The following ZNF184 variants were observed in gnomAD, a reference collection of about 807,000 sequenced individuals.
The protein encoded by ZNF184 is zinc finger protein 184 (Kruppel-like).
A neutral mutation model predicts 54.4 loss-of-function variants in ZNF184; 16 were observed. The observed-to-expected ratio is 0.29, with a 90% CI of 0.20 to 0.45. ZNF184 has a LOEUF of 0.45. Among genes scored for constraint, ZNF184 ranks in the 20% least tolerant of loss-of-function variants. The pLI is 1.00. For missense variants in ZNF184, 681 were observed against 888.2 expected (o/e 0.77, Z 2.97); for synonymous variants, 254 against 295.3 (o/e 0.86, Z 1.43).
At chr6:27,442,812 GAGAAAGAAAGAAAGAAAGAA>G in the ZNF184 span, among the ~76,000 whole-genome samples, 2,687 of 52,512 alleles carry the variant, frequency 0.051, 171 homozygotes, top group African/African-American at 0.12. Context: ...GAGAAAGAAA[GAGAAAGAAAGAAAGAAAGAA>G]AGAAAGAAAG....
the ZNF184 span, among the ~76,000 whole-genome samples, chr6:27,421,497 C>T: frequency 6.6e-6 from 1 of 152,298 alleles, no homozygotes; most frequent in South Asian, 2.1e-4. Flanking sequence ...ATAACCATTA[C>T]ATACCTCCCA....
chr6:27,414,283 A>G, the ZNF184 span, among the ~76,000 whole-genome samples: 1 of 152,110 alleles, frequency 6.6e-6, no homozygotes, highest in Non-Finnish European at 1.5e-5. Flanking sequence ...CCCATCGCTC[A>G]TACAGCCTAT....
At chr6:27,438,166 C>T in the ZNF184 span, among the ~76,000 whole-genome samples, 2 of 152,120 alleles carry the variant, frequency 1.3e-5, no homozygotes, top group Non-Finnish European at 2.9e-5. Context: ...AGTAAAATGG[C>T]TTGCTGTTTC....
chr6:27,406,352 G>A, the ZNF184 span: 10 of 152,334 alleles, frequency 6.6e-5, no homozygotes, highest in East Asian at 7.7e-4. Context: ...CATAAGTGGA[G>A]AGCCAAGCAG....
chr6:27,451,215 T>G lies in ZNF184; in HGVS notation c.*88A>C. 1 of 1,451,940 alleles carries G rather than the reference T, an allele frequency of 6.9e-7. No homozygotes were observed. The highest frequency in any genetic ancestry group is 9.2e-7 in the Non-Finnish European group (1 of 1,086,200). The allele number at this position is 1,451,940 out of a possible 1,614,324, so 89.9% of individuals were successfully genotyped here. A position where few individuals can be genotyped will look rare whatever the true frequency, so the allele number is the denominator to read the frequency against. On this transcript the variant is annotated 3_prime_UTR_variant, in exon 6 of 6. Coordinates refer to ENST00000683788, the MANE Select transcript of ZNF184 (RefSeq NM_001318891.2). ...AAAATTTAAAAGATTTCAAGGCAGTTTCTAAATCCACTCTGATTCTTCAGT... is the reference window on the plus strand; with the variant it reads ...AAAATTTAAAAGATTTCAAGGCAGTGTCTAAATCCACTCTGATTCTTCAGT...
intron 3 of ZNF184, among the ~76,000 whole-genome samples, chr6:27,465,484 C>CAAAAAA (rs60538455): frequency 8.0e-4 from 28 of 35,132 alleles, no homozygotes; most frequent in Admixed American, 1.0e-3. Context: ...GACTCCATCT[C>CAAAAAA]AAAAAAAAAA....
At chr6:27,405,203 A>G in the ZNF184 span, 2 of 152,242 alleles carry the variant, frequency 1.3e-5, no homozygotes, top group Non-Finnish European at 2.9e-5. Context: ...AGTTAACTGT[A>G]AAACAGCCTC....
the ZNF184 span, among the ~76,000 whole-genome samples, chr6:27,422,148 A>AAAAAAAGAAAAAGAAAGAAAG: frequency 2.3e-4 from 10 of 43,472 alleles, 1 homozygote; most frequent in African/African-American, 8.4e-4. Context: ...CTCAAAAAAA[A>AAAAAAAGAAAAAGAAAGAAAG]AAAGAAAGAA....
chr6:27,470,462 A>C (rs1228082469), intron 2 of ZNF184, among the ~76,000 whole-genome samples: 2 of 152,208 alleles, frequency 1.3e-5, no homozygotes, highest in Non-Finnish European at 2.9e-5. Context: ...CATGCCTCAG[A>C]AAGTAGAGGA....
At chr6:27,454,367 C>T (rs999075522) in intron 5 of ZNF184, among the ~76,000 whole-genome samples, 1 of 152,228 alleles carries the variant, frequency 6.6e-6, no homozygotes, top group Admixed American at 6.5e-5. Context: ...CAGCACAGCA[C>T]GTATTAGTGT....
the ZNF184 span, among the ~76,000 whole-genome samples, chr6:27,419,186 C>T: frequency 6.6e-6 from 1 of 152,182 alleles, no homozygotes; most frequent in African/African-American, 2.4e-5. The surrounding 1 kb of genome is among the most constrained non-coding windows in gnomAD (Gnocchi z 4.8). Flanking sequence ...TCACTGCAAC[C>T]TCTGCCTCCC....
rs1271597205 is a variant in ZNF184 at position 27,452,215 on chromosome 6, A to G, written c.1344T>C (p.Cys448=). The G allele has an allele frequency of 6.2e-7, 1 of 1,614,136 alleles. No homozygotes were observed. Among genetic ancestry groups the G allele is most frequent in the African/African-American group, 1.3e-5 (1 of 75,038 alleles). Residue 448 remains cysteine (C), a synonymous_variant, in exon 6 of 6, where the codon TGT becomes TGC. Coordinates refer to ENST00000683788, the MANE Select transcript of ZNF184 (RefSeq NM_001318891.2). The surrounding 1 kb of genome is among the most constrained non-coding windows in gnomAD (Gnocchi z 5.5). ...AACTAAAAGATTTTCCACATTCTGC[A>G]CAATCATAGGGTTTCTCCCCAGTAT... is the stretch of plus-strand genomic sequence containing the variant. ...KTHTGEKPYD[C]AECGKSFSYW...
the ZNF184 span, among the ~76,000 whole-genome samples, chr6:27,440,228 A>G: frequency 6.6e-6 from 1 of 152,328 alleles, no homozygotes; most frequent in East Asian, 1.9e-4. Context: ...GATTTTACTG[A>G]TTCCACAAAA....
chr6:27,429,275 C>T, the ZNF184 span, among the ~76,000 whole-genome samples: 2 of 152,216 alleles, frequency 1.3e-5, no homozygotes, highest in Non-Finnish European at 2.9e-5. Flanking sequence ...CTTTGCCTCT[C>T]TTCCTTTTGC....
the ZNF184 span, among the ~76,000 whole-genome samples, chr6:27,422,148 A>AG: frequency 4.6e-5 from 2 of 43,470 alleles, no homozygotes; most frequent in South Asian, 1.4e-3. Context: ...CTCAAAAAAA[A>AG]AAAGAAAGAA....
the ZNF184 span, among the ~76,000 whole-genome samples, chr6:27,444,951 T>C: frequency 0.6 from 90,991 of 152,030 alleles, 27,488 homozygotes; most frequent in Middle Eastern, 0.76. Flanking sequence ...TAAATCACAA[T>C]GAAAACGTTG....
the ZNF184 span, chr6:27,405,414 C>T: frequency 1.3e-5 from 2 of 152,302 alleles, no homozygotes; most frequent in Admixed American, 6.5e-5. Context: ...CTGGACTGCA[C>T]CAGCAGTCCA....
Position 27,466,046 on chromosome 6 carries a change from A to T in ZNF184, c.75+1807T>A, listed in dbSNP as rs568241271. 3.9e-5 allele frequency among the ~76,000 whole-genome samples: 6 copies of T among 152,322 alleles called. No individual in the cohort carries two copies. The East Asian group carries it at 1.2e-3, about 29-fold the overall frequency. On this transcript the variant is annotated intron_variant, in intron 3 of 5. Coordinates refer to ENST00000683788, the MANE Select transcript of ZNF184 (RefSeq NM_001318891.2). Reference sequence around the variant, plus strand: ...GTGGGGAAATTATTCTGTATTACATAGGTGAGCCTAGAGTAATCACAAGGG... The same window carrying T: ...GTGGGGAAATTATTCTGTATTACATTGGTGAGCCTAGAGTAATCACAAGGG...
chr6:27,464,942 A>G (rs367594792), intron 3 of ZNF184, among the ~76,000 whole-genome samples: 11 of 142,740 alleles, frequency 7.7e-5, no homozygotes, highest in African/African-American at 2.6e-4. Flanking sequence ...GCGTGAACCC[A>G]GGAGGCGGAG....
Sources: allele counts gnomAD v4.1 joint callset (sites outside exome capture counted in the v4.1 genomes callset), GRCh38; gene constraint gnomAD v4.1.1; non-coding constraint Gnocchi (gnomAD v3.1); transcripts MANE v1.5; gene names NCBI Gene and HGNC (gene_info 2026-07-23, HGNC 2026-07-21).